Variants in TMEM74 observed in about 807,000 individuals in gnomAD.
TMEM74 encodes transmembrane protein 74.
Under a neutral mutation model 18.1 loss-of-function variants are expected in TMEM74, and 13 were observed. The ratio of observed to expected loss-of-function variants is 0.72; its 90% confidence interval spans 0.47 to 1.14. The LOEUF (loss-of-function observed/expected upper bound fraction) is 1.14, where lower values mean the gene tolerates loss of function less well. TMEM74 is among the 50% of genes most tolerant of loss of function. The pLI, the probability that TMEM74 is intolerant of heterozygous loss-of-function variation, is 0.00. For missense variants in TMEM74, 372 were observed against 375.9 expected (o/e 0.99, Z 0.09); for synonymous variants, 159 against 146.6 (o/e 1.08, Z -0.61).
At chr8:108,638,330 A>G (rs190766062) in intron 2 of TMEM74, among the ~76,000 whole-genome samples, 28 of 152,238 alleles carry the variant, frequency 1.8e-4, no homozygotes, top group Non-Finnish European at 3.2e-4. Context: ...AAGGTTGTCT[A>G]TTCAACTTTA....
chr8:108,726,777 T>C (rs1160800430), intron 1 of TMEM74, among the ~76,000 whole-genome samples: 1 of 152,016 alleles, frequency 6.6e-6, no homozygotes, highest in Non-Finnish European at 1.5e-5. Flanking sequence ...TTGTAGGGCT[T>C]ACATGCTGGA....
chr8:108,730,465 T>C (rs1813682353), intron 1 of TMEM74, among the ~76,000 whole-genome samples: 1 of 152,180 alleles, frequency 6.6e-6, no homozygotes, highest in Admixed American at 6.5e-5. Flanking sequence ...TATTATCTTT[T>C]CTTGCACCTT....
At chr8:108,753,012 A>G (rs1813918941) in intron 1 of TMEM74, among the ~76,000 whole-genome samples, 1 of 152,066 alleles carries the variant, frequency 6.6e-6, no homozygotes, top group Non-Finnish European at 1.5e-5. Flanking sequence ...TACTTTTGTC[A>G]CATCCTTCTC....
In TMEM74 at chr8:108,784,545, A is replaced by T; in HGVS notation, c.554T>A (p.Leu185Ter). 6.2e-7 allele frequency: 1 copy of T among 1,614,160 alleles called. No homozygotes were observed. Among genetic ancestry groups the T allele is most frequent in the Non-Finnish European group, 8.5e-7 (1 of 1,180,036 alleles). ...GATCACGAGCAGGATCCCAGTGACC[A>T]AGAACAAGATGGCGCTGATGAAACC... The part of the protein sequence containing the change: ...DYGFISAILF[L>*]VTGILLVIIS... The change falls in exon 2 of 2, where the codon TTG becomes TAG. Residue 185 changes from leucine to a stop codon, truncating the protein, a stop_gained. Transcript: ENST00000297459. LOFTEE classifies it high-confidence loss of function.
intron 1 of TMEM74, among the ~76,000 whole-genome samples, chr8:108,699,186 T>TTG (rs1813312030): frequency 1.2e-5 from 1 of 85,708 alleles, no homozygotes; most frequent in African/African-American, 5.3e-5. Context: ...CCTTCCTTCC[T>TTG]CCCTCCCTCC....
At chr8:108,678,911 C>T (rs976387841) in intron 1 of TMEM74, among the ~76,000 whole-genome samples, 1 of 126,724 alleles carries the variant, frequency 7.9e-6, no homozygotes, top group African/African-American at 2.9e-5. Context: ...CCCCACCCCA[C>T]AACAGTACCC....
intron 1 of TMEM74, among the ~76,000 whole-genome samples, chr8:108,751,758 G>C (rs1037457577): frequency 1.5e-4 from 23 of 152,102 alleles, no homozygotes; most frequent in African/African-American, 5.5e-4. Flanking sequence ...CTAGACTAAA[G>C]GGAATAAAAT....
chr8:108,699,154 T>TTCCC (rs1813310151), intron 1 of TMEM74, among the ~76,000 whole-genome samples: 3 of 48,226 alleles, frequency 6.2e-5, no homozygotes, highest in Admixed American at 2.3e-4. Flanking sequence ...TTTTCCTTCC[T>TTCCC]TCCTTCCTTC....
intron 1 of TMEM74, among the ~76,000 whole-genome samples, chr8:108,768,697 AG>A (rs1358055736): frequency 6.6e-6 from 1 of 152,114 alleles, no homozygotes; most frequent in African/African-American, 2.4e-5. Flanking sequence ...AGTGCATATG[AG>A]GGTCCGCTTT....
intron 1 of TMEM74, among the ~76,000 whole-genome samples, chr8:108,767,205 T>C (rs1035200782): frequency 1.3e-5 from 2 of 152,132 alleles, no homozygotes; most frequent in Non-Finnish European, 1.5e-5. Context: ...ACACAGAATG[T>C]CAAAAACCTA....
chr8:108,690,058 C>T (rs761879513), intron 1 of TMEM74, among the ~76,000 whole-genome samples: 97 of 151,898 alleles, frequency 6.4e-4, no homozygotes, highest in Non-Finnish European at 2.9e-4. Context: ...TATATACATA[C>T]GTACATGTAT....
chr8:108,612,175 G>C (rs1258742545), intron 2 of TMEM74, among the ~76,000 whole-genome samples: 1 of 151,934 alleles, frequency 6.6e-6, no homozygotes, highest in African/African-American at 2.4e-5. Context: ...TGGGGACACA[G>C]CCAAACTATA....
At chr8:108,708,809 C>CAAAAAAAAAAAAAAAAAA (rs71564016) in intron 1 of TMEM74, among the ~76,000 whole-genome samples, 2 of 17,942 alleles carry the variant, frequency 1.1e-4, no homozygotes, top group Non-Finnish European at 8.4e-5. Flanking sequence ...AACTCAATAG[C>CAAAAAAAAAAAAAAAAAA]AAAAAAAAAA....
chr8:108,723,154 G>A (rs1362291032), intron 1 of TMEM74, among the ~76,000 whole-genome samples: 1 of 152,198 alleles, frequency 6.6e-6, no homozygotes, highest in Admixed American at 6.5e-5. Context: ...CAGATGAGAT[G>A]TGTGGTGGTG....
rs1399018733 is a variant in TMEM74, at chr8:108,631,660, T to G, written n.265-22834A>C. ...AGTTTGCAAACACTTCTGCCCGTTCTGTAGGTTGTCTGTTTACTCTGTGAA... is the reference window on the plus strand; with the variant it reads ...AGTTTGCAAACACTTCTGCCCGTTCGGTAGGTTGTCTGTTTACTCTGTGAA... On this transcript the variant is annotated intron_variant and non_coding_transcript_variant, in intron 2 of 3. Transcript: ENST00000518838. Among the ~76,000 whole-genome samples the G allele has an allele frequency of 2.6e-5, 4 of 152,076 alleles. No homozygotes were observed. The East Asian group carries it at 7.8e-4, about 29-fold the overall frequency.
At chr8:108,644,715 G>T (rs1812700025) in intron 2 of TMEM74, among the ~76,000 whole-genome samples, 1 of 152,074 alleles carries the variant, frequency 6.6e-6, no homozygotes, top group African/African-American at 2.4e-5. Flanking sequence ...CTTTTCAAAA[G>T]AAGACATACA....
chr8:108,719,660 A>G (rs1255034095), intron 1 of TMEM74, among the ~76,000 whole-genome samples: 1 of 152,166 alleles, frequency 6.6e-6, no homozygotes, highest in Admixed American at 6.5e-5. Flanking sequence ...CTGGAATTTC[A>G]AAGAAATTTC....
At chr8:108,732,911 T>C (rs542823891) in intron 1 of TMEM74, among the ~76,000 whole-genome samples, 233 of 152,036 alleles carry the variant, frequency 1.5e-3, no homozygotes, top group African/African-American at 5.3e-3. Flanking sequence ...ATATGATATA[T>C]GAATGGCTAA....
intron 1 of TMEM74, among the ~76,000 whole-genome samples, chr8:108,770,934 C>A (rs778838207): frequency 2.2e-4 from 34 of 152,094 alleles, no homozygotes; most frequent in Non-Finnish European, 4.4e-4. Context: ...AGAGGAGAAT[C>A]AATCCCATTT....
Sources: allele counts gnomAD v4.1 joint callset (sites outside exome capture counted in the v4.1 genomes callset), GRCh38; gene constraint gnomAD v4.1.1; transcripts MANE v1.5; gene names NCBI Gene and HGNC (gene_info 2026-07-23, HGNC 2026-07-21).